The following CTNNA3 variants were observed in gnomAD, a reference collection of about 807,000 sequenced individuals.
The protein encoded by CTNNA3 is catenin alpha-3.
Under a neutral mutation model 95.7 loss-of-function variants are expected in CTNNA3, and 76 were observed. That is an observed-to-expected ratio of 0.79 (90% CI 0.66 to 0.96). CTNNA3 has a LOEUF of 0.96. Among genes scored for constraint, CTNNA3 ranks in the 40% least tolerant of loss-of-function variants. The pLI is 0.00. For synonymous variants in CTNNA3, 431 were observed against 374.4 expected (o/e 1.15, Z -1.74); for missense variants, 1,191 against 1,089.8 (o/e 1.09, Z -1.31).
rs530254624 is a variant in CTNNA3, at chr10:66,453,082, C to T, written c.1531+67535G>A. On this transcript the variant is annotated intron_variant, in intron 11 of 17. Coordinates refer to ENST00000433211, the MANE Select transcript of CTNNA3 (RefSeq NM_013266.4). ...TACAAAAAAAAATTGTCAGGTGTGGCGGCATGCACCTGTAGTCCCAGCTGC... is the reference window on the plus strand; with the variant it reads ...TACAAAAAAAAATTGTCAGGTGTGGTGGCATGCACCTGTAGTCCCAGCTGC... 1.4e-4 allele frequency among the ~76,000 whole-genome samples: 21 copies of T among 151,866 alleles called. No homozygotes were observed. The East Asian group carries it at 2.5e-3, about 18-fold the overall frequency.
intron 1 of CTNNA3, among the ~76,000 whole-genome samples, chr10:67,735,027 C>T (rs186899885): frequency 6.6e-6 from 1 of 152,108 alleles, no homozygotes; most frequent in African/African-American, 2.4e-5. Flanking sequence ...ACATGTATCA[C>T]TGTTTCTAAA....
At chr10:67,093,085 G>T (rs534087315) in intron 7 of CTNNA3, among the ~76,000 whole-genome samples, 42 of 152,072 alleles carry the variant, frequency 2.8e-4, no homozygotes, top group South Asian at 2.3e-3. Flanking sequence ...CAGAAGTAAT[G>T]ATAAACAGGA....
intron 12 of CTNNA3, among the ~76,000 whole-genome samples, chr10:66,359,820 T>A (rs1051801470): frequency 1.8e-4 from 25 of 135,338 alleles, no homozygotes; most frequent in African/African-American, 6.7e-4. Flanking sequence ...ATTGTACCAA[T>A]CATCTTACTA....
At chr10:66,457,367 A>G (rs1384900875) in intron 11 of CTNNA3, among the ~76,000 whole-genome samples, 1 of 152,106 alleles carries the variant, frequency 6.6e-6, no homozygotes, top group African/African-American at 2.4e-5. Flanking sequence ...TAAAAAGAAA[A>G]CAAACAACTC....
intron 12 of CTNNA3, among the ~76,000 whole-genome samples, chr10:66,326,460 CATATT>C (rs954397452): frequency 3.9e-5 from 6 of 151,984 alleles, no homozygotes; most frequent in Non-Finnish European, 8.8e-5. Context: ...TACACTAACT[CATATT>C]AAATGTGTTC....
At chr10:66,192,227 C>CG (rs1188475875) in intron 13 of CTNNA3, among the ~76,000 whole-genome samples, 2 of 152,010 alleles carry the variant, frequency 1.3e-5, no homozygotes, top group African/African-American at 4.8e-5. Flanking sequence ...TCACACACTC[C>CG]CCCGCCAGCA....
intron 7 of CTNNA3, among the ~76,000 whole-genome samples, chr10:67,031,633 T>C (rs1322519430): frequency 6.6e-6 from 1 of 152,192 alleles, no homozygotes; most frequent in Non-Finnish European, 1.5e-5. Context: ...TGTTGGAGGT[T>C]TGAAATACGC....
At position 66,456,511 on chromosome 10, in the gene CTNNA3, T is replaced by C. The variant is rs936405811; in HGVS notation, c.1531+64106A>G. On this transcript the variant is annotated intron_variant, in intron 11 of 17. Coordinates refer to ENST00000433211, the MANE Select transcript of CTNNA3 (RefSeq NM_013266.4). ...GCCTGGCCAACATGGTGAAATCCCGTCTCTACTAAGAAAAATTAGCTGGGC... is the reference window on the plus strand; with the variant it reads ...GCCTGGCCAACATGGTGAAATCCCGCCTCTACTAAGAAAAATTAGCTGGGC... Among the ~76,000 whole-genome samples the C allele has an allele frequency of 3.3e-5, 5 of 152,050 alleles. No individual in the cohort carries two copies. In the South Asian group the frequency reaches 1.0e-3, roughly 32 times the overall value.
At chr10:66,504,768 T>C (rs902706837) in intron 11 of CTNNA3, among the ~76,000 whole-genome samples, 2 of 152,212 alleles carry the variant, frequency 1.3e-5, no homozygotes, top group African/African-American at 4.8e-5. Flanking sequence ...AGACTTCCTT[T>C]GACTCTCTAT....
At chr10:67,616,921 T>G (rs1843676298) in intron 2 of CTNNA3, among the ~76,000 whole-genome samples, 1 of 152,190 alleles carries the variant, frequency 6.6e-6, no homozygotes, top group Non-Finnish European at 1.5e-5. Context: ...TGAGATCTCT[T>G]AAAAACGATG....
At chr10:66,244,328 C>T (rs146649760) in intron 13 of CTNNA3, among the ~76,000 whole-genome samples, 171 of 152,324 alleles carry the variant, frequency 1.1e-3, no homozygotes, top group African/African-American at 3.8e-3. Context: ...ACTTTCCACC[C>T]GGAAGGGAAG....
intron 5 of CTNNA3, among the ~76,000 whole-genome samples, chr10:67,411,498 G>A (rs1471808615): frequency 6.6e-6 from 1 of 151,988 alleles, no homozygotes; most frequent in East Asian, 1.9e-4. Context: ...CATTCCAAAT[G>A]AGGATCTGTA....
chr10:66,511,507 C>T (rs1424187592), intron 11 of CTNNA3, among the ~76,000 whole-genome samples: 1 of 149,052 alleles, frequency 6.7e-6, no homozygotes, highest in African/African-American at 2.5e-5. Context: ...TTCCTTTAAA[C>T]TTCCCTCTTG....
At chr10:66,699,877 G>T (rs559337570) in intron 9 of CTNNA3, among the ~76,000 whole-genome samples, 2 of 151,856 alleles carry the variant, frequency 1.3e-5, no homozygotes, top group Admixed American at 6.6e-5. Flanking sequence ...GGCTGGTCTC[G>T]AACTCCCGAC....
intron 9 of CTNNA3, among the ~76,000 whole-genome samples, chr10:66,731,221 T>C (rs1373238140): frequency 6.6e-6 from 1 of 152,174 alleles, no homozygotes; most frequent in African/African-American, 2.4e-5. Context: ...TTCACTACTA[T>C]TCAACAGCAA....
At chr10:67,211,562 A>G (rs1564977603) in intron 6 of CTNNA3, among the ~76,000 whole-genome samples, 1 of 152,210 alleles carries the variant, frequency 6.6e-6, no homozygotes, top group East Asian at 1.9e-4. Context: ...CTTTTTCAAT[A>G]AATATGTTTA....
At chr10:66,784,155 A>G (rs1227231774) in intron 7 of CTNNA3, among the ~76,000 whole-genome samples, 1 of 152,184 alleles carries the variant, frequency 6.6e-6, no homozygotes, top group African/African-American at 2.4e-5. Context: ...TTTGCTGATT[A>G]ACATAAATAT....
chr10:67,541,750 T>A (rs1302953938), intron 3 of CTNNA3, among the ~76,000 whole-genome samples: 1 of 152,078 alleles, frequency 6.6e-6, no homozygotes. Flanking sequence ...TGCCAATAAG[T>A]GGGTGATTTT....
chr10:67,255,581 G>T (rs1479615816), intron 5 of CTNNA3, among the ~76,000 whole-genome samples: 1 of 152,138 alleles, frequency 6.6e-6, no homozygotes, highest in Non-Finnish European at 1.5e-5. Context: ...ATAACCCTAT[G>T]AAGCAAATTA....
Sources: allele counts gnomAD v4.1 joint callset (sites outside exome capture counted in the v4.1 genomes callset), GRCh38; gene constraint gnomAD v4.1.1; transcripts MANE v1.5; gene names NCBI Gene and HGNC (gene_info 2026-07-23, HGNC 2026-07-21).